Variants in SLC36A1 observed in about 807,000 individuals in gnomAD.
SLC36A1 encodes the protein proton-coupled amino acid transporter 1.
SLC36A1 carries 30 observed loss-of-function variants against 47.5 expected under a neutral mutation model. The observed-to-expected ratio is 0.63, with a 90% confidence interval of 0.47 to 0.86. The LOEUF (loss-of-function observed/expected upper bound fraction) is 0.86. Among genes scored for constraint, SLC36A1 ranks in the 40% least tolerant of loss-of-function variants. SLC36A1 has a pLI of 0.00. For missense variants in SLC36A1, 517 were observed against 606.0 expected, an observed-to-expected ratio of 0.85 and a Z score of 1.54; for synonymous variants, 255 against 249.7, an observed-to-expected ratio of 1.02 and a Z score of -0.20.
the SLC36A1 span, chr5:151,554,301 C>T: frequency 6.7e-7 from 1 of 1,498,008 alleles, no homozygotes; most frequent in African/African-American, 1.4e-5. Flanking sequence ...CCTGAATTCT[C>T]AAAGAAGGCC....
At chr5:151,378,008 A>C in the SLC36A1 span, 1 of 216,728 alleles carries the variant, frequency 4.6e-6, no homozygotes, top group South Asian at 8.7e-5. Flanking sequence ...TATTTAGTCC[A>C]AATTGGCTTA....
chr5:151,530,285 C>A, the SLC36A1 span, among the ~76,000 whole-genome samples: 25 of 150,596 alleles, frequency 1.7e-4, no homozygotes, highest in African/African-American at 5.8e-4. Flanking sequence ...CTCTTATGTG[C>A]GTCCAGACAT....
At chr5:151,553,674 A>C in the SLC36A1 span, among the ~76,000 whole-genome samples, 1 of 152,220 alleles carries the variant, frequency 6.6e-6, no homozygotes, top group African/African-American at 2.4e-5. Flanking sequence ...GCTACTTCCT[A>C]AATTGAACTT....
chr5:151,441,168 G>A (rs1752603425), intron 1 of SLC36A1, among the ~76,000 whole-genome samples: 1 of 152,172 alleles, frequency 6.6e-6, no homozygotes, highest in Non-Finnish European at 1.5e-5. Flanking sequence ...ATGTGCAGTG[G>A]CATGCACCTG....
chr5:151,433,265 T>TACATATATATATATATAC (rs1759552238), upstream of SLC36A1, among the ~76,000 whole-genome samples: 1 of 17,180 alleles, frequency 5.8e-5, no homozygotes, highest in African/African-American at 3.0e-4. Flanking sequence ...TATATATATA[T>TACATATATATATATATAC]ATTTTTTTTT....
intron 7 of SLC36A1, chr5:151,469,227 T>C (rs1188412663): frequency 5.7e-6 from 4 of 700,062 alleles, no homozygotes; most frequent in African/African-American, 1.7e-5. Flanking sequence ...CTGTATGTGA[T>C]TGGTCTGTCT....
the SLC36A1 span, among the ~76,000 whole-genome samples, chr5:151,375,998 C>G: frequency 2.6e-5 from 4 of 151,958 alleles, no homozygotes; most frequent in Admixed American, 6.6e-5. Flanking sequence ...TTTTTCTTGC[C>G]TGATTGCTCT....
the SLC36A1 span, among the ~76,000 whole-genome samples, chr5:151,348,822 G>T: frequency 6.6e-6 from 1 of 152,186 alleles, no homozygotes; most frequent in African/African-American, 2.4e-5. Flanking sequence ...CTCCCCGCTA[G>T]CCAGGTTTTT....
chr5:151,475,012 C>T (rs532326594), intron 8 of SLC36A1, among the ~76,000 whole-genome samples: 2 of 152,184 alleles, frequency 1.3e-5, no homozygotes, highest in East Asian at 3.9e-4. Context: ...ATGGGGGAGG[C>T]TTTGGGAGTG....
the SLC36A1 span, chr5:151,347,156 A>G: frequency 1.1e-5 from 11 of 980,074 alleles, no homozygotes; most frequent in Non-Finnish European, 1.6e-5. Flanking sequence ...AGCTTGACTC[A>G]GCCCATGACT....
At chr5:151,470,014 A>G (rs1230667545) in intron 7 of SLC36A1, among the ~76,000 whole-genome samples, 1 of 152,178 alleles carries the variant, frequency 6.6e-6, no homozygotes, top group Non-Finnish European at 1.5e-5. Flanking sequence ...CTGTTTTTTC[A>G]TCACATTAAG....
the SLC36A1 span, chr5:151,531,461 G>GA: frequency 7.7e-7 from 1 of 1,299,474 alleles, no homozygotes; most frequent in Non-Finnish European, 1.1e-6. The surrounding 1 kb of genome is among the most constrained non-coding windows in gnomAD (Gnocchi z 5.7). Flanking sequence ...AGAGAATGGA[G>GA]AAACGACCAG....
At chr5:151,367,374 T>TTTTTTTTTTTCC in the SLC36A1 span, among the ~76,000 whole-genome samples, 437 of 145,506 alleles carry the variant, frequency 3.0e-3, 5 homozygotes, top group African/African-American at 0.01. Flanking sequence ...TTTTTTTTTT[T>TTTTTTTTTTTCC]CCCCAGGGTA....
chr5:151,527,987 A>T, the SLC36A1 span: 1 of 1,613,570 alleles, frequency 6.2e-7, no homozygotes, highest in Non-Finnish European at 8.5e-7. Context: ...CCCCTCCCAC[A>T]TGACTCACCT....
chr5:151,346,269 A>C, the SLC36A1 span, among the ~76,000 whole-genome samples: 1 of 152,110 alleles, frequency 6.6e-6, no homozygotes, highest in Non-Finnish European at 1.5e-5. Context: ...ATACTTAGCA[A>C]CTTCCAGGAC....
chr5:151,526,572 T>C, the SLC36A1 span, among the ~76,000 whole-genome samples: 1 of 152,254 alleles, frequency 6.6e-6, no homozygotes, highest in Non-Finnish European at 1.5e-5. Flanking sequence ...GATCGTTGCC[T>C]ATCCAACAGA....
At chr5:151,445,834 T>A (rs950552912), upstream of SLC36A1, among the ~76,000 whole-genome samples, 24 of 152,200 alleles carry the variant, frequency 1.6e-4, no homozygotes, top group African/African-American at 5.5e-4. Flanking sequence ...TCTGTTGTAG[T>A]GTCTTCACTT....
chr5:151,367,331 G>A, the SLC36A1 span, among the ~76,000 whole-genome samples: 2 of 139,952 alleles, frequency 1.4e-5, no homozygotes, highest in African/African-American at 5.3e-5. Context: ...TTCCCAGAGC[G>A]GCCATTTATA....
chr5:151,455,977 C>T (rs1754435270), intron 1 of SLC36A1, among the ~76,000 whole-genome samples: 1 of 152,136 alleles, frequency 6.6e-6, no homozygotes, highest in Non-Finnish European at 1.5e-5. Flanking sequence ...ACCCACATAG[C>T]AAGTGGCTTC....
Sources: allele counts gnomAD v4.1 joint callset (sites outside exome capture counted in the v4.1 genomes callset), GRCh38; gene constraint gnomAD v4.1.1; non-coding constraint Gnocchi (gnomAD v3.1); transcripts MANE v1.5; gene names NCBI Gene and HGNC (gene_info 2026-07-23, HGNC 2026-07-21).